Variants in KCNH8 observed in about 807,000 individuals in gnomAD.
KCNH8 encodes potassium voltage-gated channel subfamily H member 8, also known as voltage-gated delayed rectifier potassium channel KCNH8.
KCNH8 carries 70 observed loss-of-function variants against 103.6 expected under a neutral mutation model. That is an observed-to-expected ratio of 0.68 (90% confidence interval 0.56 to 0.82). The LOEUF (loss-of-function observed/expected upper bound fraction) is 0.82, where lower values mean the gene tolerates loss of function less well. Ranked by LOEUF, KCNH8 falls within the 40% of genes least tolerant of loss-of-function variation. KCNH8 has a pLI of 0.00. For missense variants in KCNH8, 1,217 were observed against 1,329.9 expected (o/e 0.92, Z 1.32); for synonymous variants, 498 against 489.4 (o/e 1.02, Z -0.23).
chr3:19,320,390 C>A (rs2125303305), intron 3 of KCNH8, among the ~76,000 whole-genome samples: 1 of 151,990 alleles, frequency 6.6e-6, no homozygotes, highest in South Asian at 2.1e-4. Context: ...TTTTGTTGAA[C>A]CCTTTTTCTG....
chr3:19,213,867 C>T (rs2063793569), intron 1 of KCNH8, among the ~76,000 whole-genome samples: 1 of 152,144 alleles, frequency 6.6e-6, no homozygotes, highest in African/African-American at 2.4e-5. Context: ...GTGAAGTCTA[C>T]TCCAGTATCA....
At chr3:19,219,020 A>G (rs532281409) in intron 1 of KCNH8, among the ~76,000 whole-genome samples, 26 of 152,204 alleles carry the variant, frequency 1.7e-4, no homozygotes, top group African/African-American at 6.3e-4. Flanking sequence ...TCAACATATG[A>G]ATTTGGACAC....
At position 19,497,636 on chromosome 3, in the gene KCNH8, G is replaced by C. The variant is rs140932192; in HGVS notation, c.2041-12727G>C. On this transcript the variant is annotated intron_variant, in intron 11 of 15. Transcript: ENST00000328405. ...GTATGATTTCAATTTCTTTGAATTT[G>C]CTGAGGGTTATTTTATGTCTGATTT... Among the ~76,000 whole-genome samples the C allele has an allele frequency of 8.9e-3, 1,352 of 152,244 alleles. 77 individuals carry two copies. The highest frequency in any genetic ancestry group is 0.084 in the Admixed American group (1,276 of 15,276).
chr3:19,173,473 A>G (rs886590628), intron 1 of KCNH8, among the ~76,000 whole-genome samples: 13 of 152,220 alleles, frequency 8.5e-5, no homozygotes, highest in African/African-American at 3.1e-4. Flanking sequence ...CAACCAATAG[A>G]ACTATTTAAT....
chr3:19,177,119 AAG>A (rs1485798087), intron 1 of KCNH8, among the ~76,000 whole-genome samples: 2 of 152,134 alleles, frequency 1.3e-5, no homozygotes, highest in Non-Finnish European at 1.5e-5. Context: ...CAATTTAAAA[AAG>A]AAAATTATCA....
chr3:19,430,882 G>C (rs1180489368), intron 7 of KCNH8, among the ~76,000 whole-genome samples: 1 of 152,122 alleles, frequency 6.6e-6, no homozygotes, highest in Non-Finnish European at 1.5e-5. Context: ...AGAAGCTTTT[G>C]GCCTGAGACA....
chr3:19,489,142 C>T (rs1185040563), intron 11 of KCNH8, among the ~76,000 whole-genome samples: 1 of 152,122 alleles, frequency 6.6e-6, no homozygotes, highest in African/African-American at 2.4e-5. Context: ...TTTACTTCCT[C>T]TTTTGTCTAT....
chr3:19,228,394 CT>C (rs2063956255), intron 1 of KCNH8, among the ~76,000 whole-genome samples: 2 of 152,220 alleles, frequency 1.3e-5, no homozygotes, highest in African/African-American at 2.4e-5. Context: ...CAGGGCTGTT[CT>C]TTTTTCACAA....
At chr3:19,372,709 T>C (rs1403309890) in intron 5 of KCNH8, among the ~76,000 whole-genome samples, 14 of 152,294 alleles carry the variant, frequency 9.2e-5, no homozygotes, top group African/African-American at 3.4e-4. Context: ...AGGGAATGCT[T>C]CCAGTTTTTG....
At chr3:19,465,472 C>A (rs1208458753) in intron 11 of KCNH8, among the ~76,000 whole-genome samples, 1 of 152,098 alleles carries the variant, frequency 6.6e-6, no homozygotes, top group East Asian at 1.9e-4. Flanking sequence ...TACCCAAGAG[C>A]TCTGATGGAG....
chr3:19,200,565 C>G (rs2063647771), intron 1 of KCNH8, among the ~76,000 whole-genome samples: 1 of 148,638 alleles, frequency 6.7e-6, no homozygotes, highest in Non-Finnish European at 1.5e-5. Context: ...TCAGTGTGAT[C>G]TTTAGCTAAC....
chr3:19,486,921 G>T (rs1171493164), intron 11 of KCNH8, among the ~76,000 whole-genome samples: 1 of 152,148 alleles, frequency 6.6e-6, no homozygotes, highest in East Asian at 1.9e-4. Flanking sequence ...TAGCATACCT[G>T]CTGTCTGCAG....
chr3:19,351,451 AAATG>A (rs140199457), intron 5 of KCNH8, among the ~76,000 whole-genome samples: 34,869 of 151,702 alleles, frequency 0.23, 4,277 homozygotes, highest in Middle Eastern at 0.3. Flanking sequence ...ACCAAAGTTG[AAATG>A]AAGGAAAAAA....
intron 7 of KCNH8, among the ~76,000 whole-genome samples, chr3:19,405,117 C>T (rs982809711): frequency 1.3e-5 from 2 of 151,842 alleles, no homozygotes; most frequent in African/African-American, 4.8e-5. Context: ...GCTTTGAGAA[C>T]ATTGAGACTT....
At chr3:19,159,636 G>T (rs143338371) in intron 1 of KCNH8, among the ~76,000 whole-genome samples, 1 of 152,198 alleles carries the variant, frequency 6.6e-6, no homozygotes, top group African/African-American at 2.4e-5. Context: ...CGTTTGTGTA[G>T]TGAATATAGT....
intron 5 of KCNH8, among the ~76,000 whole-genome samples, chr3:19,360,287 C>T (rs1180462431): frequency 1.3e-5 from 2 of 151,698 alleles, no homozygotes; most frequent in Non-Finnish European, 2.9e-5. Context: ...CTATATTCAC[C>T]GAATAGTAGA....
intron 1 of KCNH8, among the ~76,000 whole-genome samples, chr3:19,249,275 G>C (rs1416658528): frequency 6.6e-6 from 1 of 152,122 alleles, no homozygotes; most frequent in Non-Finnish European, 1.5e-5. Context: ...AAAAGCATGT[G>C]TTTCCAAGTA....
intron 1 of KCNH8, among the ~76,000 whole-genome samples, chr3:19,200,419 G>T (rs1309223892): frequency 6.6e-6 from 1 of 151,502 alleles, no homozygotes; most frequent in Non-Finnish European, 1.5e-5. Context: ...AACAAAATTG[G>T]CATGTCTTCA....
intron 8 of KCNH8, among the ~76,000 whole-genome samples, chr3:19,447,835 A>G (rs2067385023): frequency 6.6e-6 from 1 of 152,052 alleles, no homozygotes; most frequent in Admixed American, 6.6e-5. Context: ...TAGTTGTTAC[A>G]CGATATATAT....
Sources: allele counts gnomAD v4.1 joint callset (sites outside exome capture counted in the v4.1 genomes callset), GRCh38; gene constraint gnomAD v4.1.1; transcripts MANE v1.5; gene names NCBI Gene and HGNC (gene_info 2026-07-23, HGNC 2026-07-21).